Variants in CTIF observed in about 807,000 individuals in gnomAD.
The protein encoded by CTIF is cap binding complex dependent translation initiation factor, also known as CBP80/20-dependent translation initiation factor.
CTIF carries 21 observed loss-of-function variants against 66.0 expected under a neutral mutation model. That is an observed-to-expected ratio of 0.32 (90% CI 0.23 to 0.46). The LOEUF (loss-of-function observed/expected upper bound fraction) is 0.46. Ranked by LOEUF, CTIF falls within the 20% of genes least tolerant of loss-of-function variation. CTIF has a pLI of 1.00. For missense variants in CTIF, 739 were observed against 812.7 expected (o/e 0.91, Z 1.10); for synonymous variants, 345 against 326.4 (o/e 1.06, Z -0.62).
At chr18:48,704,036 A>G (rs1049971091) in intron 6 of CTIF, among the ~76,000 whole-genome samples, 3 of 152,196 alleles carry the variant, frequency 2.0e-5, no homozygotes, top group Non-Finnish European at 4.4e-5. Context: ...CTCTGAGTAC[A>G]GAAATGAGGG....
At chr18:48,797,499 G>C (rs901640579) in intron 9 of CTIF, among the ~76,000 whole-genome samples, 4 of 149,464 alleles carry the variant, frequency 2.7e-5, no homozygotes, top group African/African-American at 9.9e-5. Flanking sequence ...AAAAGGGGTG[G>C]GGGGGCAAGT....
At chr18:48,758,595 A>G (rs556470929) in intron 8 of CTIF, among the ~76,000 whole-genome samples, 190 bp downstream of exon 8, 2 of 152,214 alleles carry the variant, frequency 1.3e-5, no homozygotes, top group South Asian at 2.1e-4. Flanking sequence ...AGGTAGGGCC[A>G]TCATGAACCC....
At chr18:48,744,610 T>G (rs769672436) in intron 7 of CTIF, among the ~76,000 whole-genome samples, 6 of 152,238 alleles carry the variant, frequency 3.9e-5, no homozygotes, top group Non-Finnish European at 5.9e-5. Context: ...CTTTTACTGC[T>G]AAATATTTCA....
chr18:48,584,569 A>C (rs1484456666), intron 1 of CTIF, among the ~76,000 whole-genome samples: 2 of 152,208 alleles, frequency 1.3e-5, no homozygotes, highest in Non-Finnish European at 2.9e-5. Context: ...TGCACACCAC[A>C]GATCTAACCC....
At chr18:48,621,625 G>A (rs1210404762) in intron 2 of CTIF, 1 of 340,598 alleles carries the variant, frequency 2.9e-6, no homozygotes, top group Non-Finnish European at 5.6e-6. Context: ...CTGCCTTGCG[G>A]GCCACTGCCA....
At chr18:48,647,067 A>G (rs1165915646) in intron 3 of CTIF, among the ~76,000 whole-genome samples, 1 of 152,264 alleles carries the variant, frequency 6.6e-6, no homozygotes, top group East Asian at 1.9e-4. Context: ...AGAAACCTGG[A>G]AGCAGCTCAG....
chr18:48,785,009 G>C (rs1221068007), intron 9 of CTIF, among the ~76,000 whole-genome samples: 2 of 152,240 alleles, frequency 1.3e-5, no homozygotes, highest in Non-Finnish European at 2.9e-5. Flanking sequence ...GCATGCGTGA[G>C]CATGGAGTTT....
intron 1 of CTIF, among the ~76,000 whole-genome samples, chr18:48,595,435 T>A (rs1399837560): frequency 6.6e-6 from 1 of 152,118 alleles, no homozygotes; most frequent in East Asian, 1.9e-4. Context: ...ATTAATTAAT[T>A]TTTTTTAGAG....
intron 9 of CTIF, among the ~76,000 whole-genome samples, chr18:48,777,442 T>C (rs1362740668): frequency 1.3e-5 from 2 of 151,986 alleles, no homozygotes; most frequent in Non-Finnish European, 2.9e-5. Context: ...AGGCTGAGAG[T>C]TGGACTAGAA....
intron 7 of CTIF, among the ~76,000 whole-genome samples, chr18:48,748,302 G>C (rs1228146673): frequency 1.3e-5 from 2 of 152,058 alleles, no homozygotes; most frequent in Non-Finnish European, 2.9e-5. Context: ...TGTGCCCCCA[G>C]CAGGTGGGGG....
intron 7 of CTIF, among the ~76,000 whole-genome samples, chr18:48,743,166 A>G (rs369713512): frequency 3.3e-5 from 5 of 152,252 alleles, no homozygotes; most frequent in African/African-American, 1.2e-4. Context: ...AGCCTCATTC[A>G]TCTGGTCAGA....
intron 6 of CTIF, among the ~76,000 whole-genome samples, chr18:48,678,512 C>T (rs1460649608): frequency 6.6e-6 from 1 of 152,084 alleles, no homozygotes; most frequent in Non-Finnish European, 1.5e-5. Flanking sequence ...TGTCTGAGAC[C>T]TCCAGGTAGC....
chr18:48,837,045 C>T (rs2068827430), intron 10 of CTIF, among the ~76,000 whole-genome samples: 1 of 152,228 alleles, frequency 6.6e-6, no homozygotes, highest in Non-Finnish European at 1.5e-5. Flanking sequence ...CCTGCACTGC[C>T]TGGCCTGGGG....
intron 6 of CTIF, among the ~76,000 whole-genome samples, chr18:48,673,190 G>A (rs911595518): frequency 6.6e-6 from 1 of 152,176 alleles, no homozygotes; most frequent in Non-Finnish European, 1.5e-5. Context: ...GCTGCCTGAG[G>A]GCTGGGCCAT....
intron 1 of CTIF, among the ~76,000 whole-genome samples, chr18:48,587,874 G>T (rs769716363): frequency 6.6e-6 from 1 of 152,022 alleles, no homozygotes; most frequent in Non-Finnish European, 1.5e-5. Context: ...GCTGTTTTAC[G>T]TGTGTCTGAA....
chr18:48,745,253 A>T (rs926241602), intron 7 of CTIF, among the ~76,000 whole-genome samples: 1 of 152,166 alleles, frequency 6.6e-6, no homozygotes, highest in Non-Finnish European at 1.5e-5. Context: ...CTTGGGTTAT[A>T]GGCACTGTAG....
At chr18:48,633,079 G>A (rs2090749830) in intron 2 of CTIF, among the ~76,000 whole-genome samples, 1 of 114,968 alleles carries the variant, frequency 8.7e-6, no homozygotes, top group African/African-American at 2.7e-5. Flanking sequence ...CCTGGAGAAG[G>A]TGTGTCCCCC....
At chr18:48,697,255 G>T (rs1439055926) in intron 6 of CTIF, among the ~76,000 whole-genome samples, 1 of 152,248 alleles carries the variant, frequency 6.6e-6, no homozygotes, top group East Asian at 1.9e-4. Context: ...GGGGCCTACA[G>T]AAGTGAAGGA....
rs59926593 is a variant in CTIF, at chr18:48,545,745, T to C, written c.-29+6433T>C. On this transcript the variant is annotated intron_variant, in intron 1 of 11. Transcript: ENST00000256413. ...ACAATGCACTGTGCAAGCTAGAGGC[T>C]GCAGAAGTGTGTGCCCAAGCTGAGC... Among the ~76,000 whole-genome samples the C allele has an allele frequency of 2.8e-3, 430 of 152,272 alleles. 7 individuals are homozygous for C. The highest frequency in any genetic ancestry group is 0.019 in the South Asian group (93 of 4,826).
Sources: gnomAD v4.1 joint callset for allele counts (sites outside exome capture counted in the v4.1 genomes callset) on GRCh38, gnomAD v4.1.1 for gene constraint, MANE v1.5 for transcripts, NCBI Gene and HGNC (gene_info 2026-07-23, HGNC 2026-07-21) for gene names.